VEGFA: variants seen among roughly 807,000 people sequenced by gnomAD.
The protein encoded by VEGFA is vascular endothelial growth factor A.
Under a neutral mutation model 49.7 loss-of-function variants are expected in VEGFA, and 20 were observed. The observed-to-expected ratio is 0.40, with a 90% CI of 0.28 to 0.58. VEGFA has a LOEUF of 0.58. Among genes scored for constraint, VEGFA ranks in the 20% least tolerant of loss-of-function variants. The pLI, the probability that VEGFA is intolerant of heterozygous loss-of-function variation, is 0.40. For synonymous variants in VEGFA, 219 were observed against 223.4 expected, an observed-to-expected ratio of 0.98 and a Z score of 0.18; for missense variants, 505 against 553.5, an observed-to-expected ratio of 0.91 and a Z score of 0.88.
chr6:43,784,449 CA>C, intron 7 of VEGFA, 91 bp from the exon 8 acceptor site: 1 of 1,295,506 alleles, frequency 7.7e-7, no homozygotes. Flanking sequence ...TGCAGTGACC[CA>C]GGGGCCCCCA....
chr6:43,783,031 C>T (rs1303300555), intron 7 of VEGFA: 1 of 152,208 alleles, frequency 6.6e-6, no homozygotes, highest in Non-Finnish European at 1.5e-5. Context: ...GGCATCTGTA[C>T]CTCTTTCCTT....
At position 43,777,713 on chromosome 6, in the gene VEGFA, A is replaced by C; in HGVS notation, c.855+48A>C. The C allele has an allele frequency of 5.3e-6, 7 of 1,328,018 alleles. No homozygotes were observed. The highest frequency in any genetic ancestry group is 1.2e-5 in the South Asian group (1 of 83,962). 82.3% of individuals were successfully genotyped at this position (1,328,018 alleles called of 1,614,324 possible). On this transcript the variant is annotated intron_variant, in intron 3 of 7. Transcript: ENST00000672860. This position sits in a 1 kb window ranked among gnomAD's most constrained non-coding sequence, Gnocchi z 4.3. ...GCAAGGGGGGGATAGGGAGGGGGGT[A>C]ACACTTTGGGAACAGGTGGTCCCAG...
At position 43,770,762 on chromosome 6, in the gene VEGFA, G is replaced by A. The variant is rs914956206; in HGVS notation, c.56G>A (p.Gly19Asp). ...AGCCCCAGCTACCACCTCCTCCCCGGCCGGCGGCGGACAGTGGACGCGGCG... is the reference window on the plus strand; with the variant it reads ...AGCCCCAGCTACCACCTCCTCCCCGACCGGCGGCGGACAGTGGACGCGGCG... The change falls in exon 1 of 8, where the codon GGC becomes GAC. Residue 19 changes from glycine (G) to aspartate (D), a missense_variant. Around this residue, in one of 2 missense-constraint regions of VEGFA, gnomAD observed 340 missense variants for 321.8 expected, o/e 1.06. Coordinates refer to ENST00000672860, the MANE Select transcript of VEGFA (RefSeq NM_003376.6). 5 of 1,488,748 alleles carry A rather than the reference G, an allele frequency of 3.4e-6. No individual in the cohort carries two copies. Among genetic ancestry groups the A allele is most frequent in the South Asian group, 1.3e-5 (1 of 75,366 alleles). 92.2% of individuals were successfully genotyped at this position (1,488,748 alleles called of 1,614,324 possible). A position where few individuals can be genotyped will look rare whatever the true frequency, so the allele number is the denominator to read the frequency against.
chr6:43,782,209 C>T, intron 7 of VEGFA, 122 bp downstream of exon 7: 1 of 1,426,966 alleles, frequency 7.0e-7, no homozygotes, highest in Non-Finnish European at 9.5e-7. Flanking sequence ...CAGCTGCTTG[C>T]TCAGTTTCTA....
Position 43,785,670 on chromosome 6 carries a change from A to T in VEGFA, c.*1108A>T. 1.0e-5 allele frequency: 2 copies of T among 198,716 alleles called. No individual in the cohort carries two copies. The highest frequency in any genetic ancestry group is 2.1e-5 in the Non-Finnish European group (2 of 96,088). 12.3% of individuals were successfully genotyped at this position (198,716 alleles called of 1,614,324 possible). ...CAGGAGACCTGGTTGTGTGTGTGTG[A>T]GTGGTTGACCTTCCTCCATCCCCTG... is the stretch of plus-strand genomic sequence containing the variant. On this transcript the variant is annotated 3_prime_UTR_variant, in exon 8 of 8. Coordinates refer to ENST00000672860, the MANE Select transcript of VEGFA (RefSeq NM_003376.6).
chr6:43,781,318 G>A (rs1356454504), intron 6 of VEGFA: 1 of 279,922 alleles, frequency 3.6e-6, no homozygotes, highest in Admixed American at 5.0e-5. Flanking sequence ...TTCATCTGGT[G>A]GAAGTGCCCT....
Position 43,771,177 on chromosome 6 carries a change from C to CG in VEGFA, c.474dup (p.Pro159AlafsTer89). 1 of 1,580,944 alleles carries CG rather than the reference C, an allele frequency of 6.3e-7. No homozygotes were observed. The highest frequency in any genetic ancestry group is 8.6e-7 in the Non-Finnish European group (1 of 1,167,406). ...TAGCTCGCCGAGGCGCCGAGGAGAG[C>CG]GGGCCGCCCCACAGCCCGAGCCGGA... On this transcript the variant is annotated frameshift_variant, in exon 1 of 8. Coordinates refer to ENST00000672860, the MANE Select transcript of VEGFA (RefSeq NM_003376.6). LOFTEE classifies it high-confidence loss of function.
chr6:43,772,030 G>T (rs1011941837), intron 1 of VEGFA: 3 of 985,352 alleles, frequency 3.0e-6, no homozygotes, highest in Non-Finnish European at 3.6e-6. Context: ...TCGGCTGCCC[G>T]AATGGGGAGC....
chr6:43,784,288 C>T (rs779103177), intron 7 of VEGFA: 1 of 596,798 alleles, frequency 1.7e-6, no homozygotes, highest in South Asian at 2.0e-5. Flanking sequence ...AAGTAGATTG[C>T]AAGCTCAGGA....
chr6:43,778,313 C>G, intron 3 of VEGFA, 147 bp from the exon 4 acceptor site: 1 of 738,910 alleles, frequency 1.4e-6, no homozygotes, highest in Non-Finnish European at 2.4e-6. Flanking sequence ...CTCTTTCCTG[C>G]TAGAGCTCTT....
At chr6:43,774,172 A>G in intron 1 of VEGFA, 169 bp from the exon 2 acceptor site, 1 of 700,902 alleles carries the variant, frequency 1.4e-6, no homozygotes, top group Non-Finnish European at 2.6e-6. Flanking sequence ...TGGTGGGCAT[A>G]TTCTGTGCCC....
In VEGFA at chr6:43,770,465, G is replaced by A; in HGVS notation, c.-242G>A. On this transcript the variant is annotated 5_prime_UTR_variant, in exon 1 of 8. Coordinates refer to ENST00000672860, the MANE Select transcript of VEGFA (RefSeq NM_003376.6). Reference sequence around the variant, plus strand: ...CATTCCCCACTTGAATCGGGCCGACGGCTTGGGGAGATTGCTCTACTTCCC... The same window carrying A: ...CATTCCCCACTTGAATCGGGCCGACAGCTTGGGGAGATTGCTCTACTTCCC... 1 of 770,360 alleles carries A rather than the reference G, an allele frequency of 1.3e-6. No individual in the cohort carries two copies. Among genetic ancestry groups the A allele is most frequent in the South Asian group, 4.9e-5 (1 of 20,390 alleles). 47.7% of individuals were successfully genotyped at this position (770,360 alleles called of 1,614,324 possible). A position where few individuals can be genotyped will look rare whatever the true frequency, so the allele number is the denominator to read the frequency against.
chr6:43,784,442 A>G, intron 7 of VEGFA, 99 bp from the exon 8 acceptor site: 1 of 1,154,654 alleles, frequency 8.7e-7, no homozygotes, highest in Non-Finnish European at 1.3e-6. Context: ...CGGAGGCTGC[A>G]GTGACCCAGG....
rs1763233893 is a variant in VEGFA at position 43,770,474 on chromosome 6, AG to A, written c.-232del. ...CTTGAATCGGGCCGACGGCTTGGGG[AG>A]ATTGCTCTACTTCCCCAAATCACTG... On this transcript the variant is annotated 5_prime_UTR_variant, in exon 1 of 8. Coordinates refer to ENST00000672860, the MANE Select transcript of VEGFA (RefSeq NM_003376.6). 1 of 867,276 alleles carries A rather than the reference AG, an allele frequency of 1.2e-6. No homozygotes were observed. Among genetic ancestry groups the A allele is most frequent in the East Asian group, 3.3e-5 (1 of 29,920 alleles). 53.7% of individuals were successfully genotyped at this position (867,276 alleles called of 1,614,324 possible). A position where few individuals can be genotyped will look rare whatever the true frequency, so the allele number is the denominator to read the frequency against.
At chr6:43,774,508 A>C in intron 2 of VEGFA, 116 bp downstream of exon 2, 1 of 1,266,154 alleles carries the variant, frequency 7.9e-7, no homozygotes, top group Non-Finnish European at 1.1e-6. Context: ...CAGGAATATA[A>C]GGATCAAGAA....
In VEGFA at chr6:43,781,201, C is replaced by T. The variant is rs541479602; in HGVS notation, c.1034+398C>T. The T allele has an allele frequency of 5.2e-4, 217 of 419,860 alleles. 1 individual carries two copies. The highest frequency in any genetic ancestry group is 2.1e-3 in the Middle Eastern group (3 of 1,398). The allele number at this position is 419,860 out of a possible 1,614,324, so 26.0% of individuals were successfully genotyped here. The stretch of plus-strand genomic sequence containing the variant: ...TGGAAGCTGAGGGTGGTGGGGAGGG[C>T]AGACATGGCCCAAGAAGGGCTGTGA... On this transcript the variant is annotated intron_variant, in intron 6 of 7. Transcript: ENST00000672860.
chr6:43,771,159 C>T lies in VEGFA; in HGVS notation c.453C>T (p.Arg151=). 6.4e-7 allele frequency: 1 copy of T among 1,552,730 alleles called. No homozygotes were observed. The highest frequency in any genetic ancestry group is 8.7e-7 in the Non-Finnish European group (1 of 1,153,560). Reference sequence around the variant, plus strand: ...CGGGCCGGGGAGGAAGAGTAGCTCGCCGAGGCGCCGAGGAGAGCGGGCCGC... The same window carrying T: ...CGGGCCGGGGAGGAAGAGTAGCTCGTCGAGGCGCCGAGGAGAGCGGGCCGC... Residue 151 remains arginine, a synonymous_variant, in exon 1 of 8, where the codon CGC becomes CGT. Transcript: ENST00000672860.
intron 4 of VEGFA, 50 bp downstream of exon 4, chr6:43,778,586 T>C: frequency 6.4e-7 from 1 of 1,566,204 alleles, no homozygotes; most frequent in South Asian, 1.1e-5. Context: ...GCAGGGTGCC[T>C]GATCTGTGCC....
rs939211010 is a variant in VEGFA at position 43,771,103 on chromosome 6, G to T, written c.397G>T (p.Ala133Ser). 1.4e-6 allele frequency: 2 copies of T among 1,467,230 alleles called. No individual in the cohort carries two copies. Among genetic ancestry groups the T allele is most frequent in the African/African-American group, 3.0e-5 (2 of 67,746 alleles). 90.9% of individuals were successfully genotyped at this position (1,467,230 alleles called of 1,614,324 possible). ...GGTGTGCGCAGACAGTGCTCCAGCC[G>T]CGCGCGCTCCCCAGGCCCTGGCCCG... is the stretch of plus-strand genomic sequence containing the variant. Residue 133 changes from alanine to serine, a missense_variant, in exon 1 of 8, where the codon GCG becomes TCG. By Grantham distance (99) the Ala-to-Ser change is moderately conservative. This residue lies in a region of VEGFA where 340 missense variants were observed against 321.8 expected (regional missense o/e 1.06). Transcript: ENST00000672860.
Sources: gnomAD v4.1 joint callset for allele counts on GRCh38, gnomAD v4.1.1 for gene constraint, gnomAD v4.1.1 regional missense constraint, Gnocchi (gnomAD v3.1) non-coding constraint, MANE v1.5 for transcripts, NCBI Gene and HGNC (gene_info 2026-07-23, HGNC 2026-07-21) for gene names.